GALNT13: variants seen among roughly 807,000 people sequenced by gnomAD.
GALNT13 encodes UDP-GalNAc:polypeptide N-acetylgalactosaminyltransferase 13.
In GALNT13, 28 loss-of-function variants were observed where a neutral mutation model predicts 64.2. That is an observed-to-expected ratio of 0.44 (90% confidence interval 0.32 to 0.60). GALNT13 has a LOEUF of 0.60. Among genes scored for constraint, GALNT13 ranks in the 20% least tolerant of loss-of-function variants. The probability of loss-of-function intolerance (pLI) is 0.05; values close to 1 mark genes in which losing one functional copy is unlikely to be tolerated. For missense variants in GALNT13, 577 were observed against 669.8 expected (o/e 0.86, Z 1.53); for synonymous variants, 214 against 224.6 (o/e 0.95, Z 0.42).
At chr2:153,703,356 G>A in the GALNT13 span, among the ~76,000 whole-genome samples, 2 of 152,064 alleles carry the variant, frequency 1.3e-5, no homozygotes, top group African/African-American at 2.4e-5. Flanking sequence ...TAAGTGTTAT[G>A]TTTAATTTGC....
chr2:153,574,906 C>T, the GALNT13 span, among the ~76,000 whole-genome samples: 1 of 151,922 alleles, frequency 6.6e-6, no homozygotes, highest in Non-Finnish European at 1.5e-5. Flanking sequence ...TTATGTTTTC[C>T]TGTATGGTAT....
intron 9 of GALNT13, among the ~76,000 whole-genome samples, chr2:154,313,942 T>C (rs1339025191): frequency 6.6e-6 from 1 of 152,162 alleles, no homozygotes; most frequent in Non-Finnish European, 1.5e-5. Flanking sequence ...CCAATTGGAT[T>C]GGATGGGTCC....
chr2:154,438,930 A>G (rs920418020), intron 12 of GALNT13, among the ~76,000 whole-genome samples: 7 of 152,136 alleles, frequency 4.6e-5, no homozygotes, highest in Non-Finnish European at 7.4e-5. Context: ...TAAAATATGA[A>G]TGAGGACAAT....
At chr2:153,604,774 G>T in the GALNT13 span, among the ~76,000 whole-genome samples, 16 of 152,092 alleles carry the variant, frequency 1.1e-4, 1 homozygote, top group South Asian at 4.1e-4. Context: ...TTTATTAAGA[G>T]AAATTTAACC....
intron 4 of GALNT13, among the ~76,000 whole-genome samples, chr2:154,173,489 C>A (rs995911724): frequency 2.0e-5 from 3 of 151,726 alleles, no homozygotes; most frequent in Non-Finnish European, 4.4e-5. Flanking sequence ...GGATATTGTT[C>A]TGGAAAGTAT....
the GALNT13 span, among the ~76,000 whole-genome samples, chr2:153,485,761 A>C: frequency 0.42 from 63,508 of 151,802 alleles, 13,962 homozygotes; most frequent in Non-Finnish European, 0.47. Flanking sequence ...TTAGCCGGGC[A>C]TGGTGGTGCA....
At chr2:154,076,623 C>T (rs1701003098) in intron 3 of GALNT13, among the ~76,000 whole-genome samples, 1 of 151,604 alleles carries the variant, frequency 6.6e-6, no homozygotes, top group Admixed American at 6.6e-5. Flanking sequence ...ATATGACAAC[C>T]CTAGAAATTA....
the GALNT13 span, among the ~76,000 whole-genome samples, chr2:153,739,688 T>C: frequency 6.6e-6 from 1 of 150,450 alleles, no homozygotes; most frequent in Admixed American, 6.6e-5. Flanking sequence ...CATTAATTGA[T>C]TTATCAATGT....
At chr2:153,997,501 TC>T (rs1194544684) in intron 3 of GALNT13, among the ~76,000 whole-genome samples, 1 of 151,960 alleles carries the variant, frequency 6.6e-6, no homozygotes, top group East Asian at 1.9e-4. Flanking sequence ...AAAAAATGCT[TC>T]TAGATTTTCT....
At chr2:153,748,979 G>C in the GALNT13 span, among the ~76,000 whole-genome samples, 1 of 152,034 alleles carries the variant, frequency 6.6e-6, no homozygotes, top group South Asian at 2.1e-4. Context: ...ACTTAAGGCT[G>C]TAATTCATTT....
At chr2:153,355,236 T>G in the GALNT13 span, among the ~76,000 whole-genome samples, 7 of 152,200 alleles carry the variant, frequency 4.6e-5, no homozygotes, top group African/African-American at 1.7e-4. Flanking sequence ...TTCTTAACAT[T>G]AAATCAAAAG....
intron 9 of GALNT13, among the ~76,000 whole-genome samples, chr2:154,335,387 C>A (rs2113387): frequency 0.15 from 23,368 of 151,944 alleles, 2,023 homozygotes; most frequent in Middle Eastern, 0.26. Context: ...AAAATAATGT[C>A]ATTATTACAA....
chr2:154,441,332 C>T (rs1701284754), intron 12 of GALNT13, among the ~76,000 whole-genome samples: 2 of 152,246 alleles, frequency 1.3e-5, no homozygotes, highest in Admixed American at 1.3e-4. Context: ...CTATTCTTCT[C>T]ATATTCCAAC....
chr2:153,921,836 A>G (rs976823580), intron 2 of GALNT13, among the ~76,000 whole-genome samples: 1 of 152,178 alleles, frequency 6.6e-6, no homozygotes, highest in African/African-American at 2.4e-5. Context: ...CCAATTAAAA[A>G]CTGAAATATA....
At chr2:153,504,888 C>T in the GALNT13 span, among the ~76,000 whole-genome samples, 9 of 151,978 alleles carry the variant, frequency 5.9e-5, no homozygotes, top group East Asian at 3.9e-4. Flanking sequence ...AGGGTAATAC[C>T]GGCTTCATAG....
At chr2:153,883,508 T>C (rs940859348) in intron 1 of GALNT13, among the ~76,000 whole-genome samples, 1 of 152,068 alleles carries the variant, frequency 6.6e-6, no homozygotes, top group Non-Finnish European at 1.5e-5. Flanking sequence ...TCTTTAAATA[T>C]AACCTTTCTT....
At chr2:153,080,617 G>T in the GALNT13 span, among the ~76,000 whole-genome samples, 12,381 of 151,902 alleles carry the variant, frequency 0.082, 666 homozygotes, top group Non-Finnish European at 0.12. Context: ...TGAAGTTTAG[G>T]GTTTTATATA....
the GALNT13 span, among the ~76,000 whole-genome samples, chr2:153,837,432 C>T: frequency 1.3e-5 from 2 of 152,052 alleles, no homozygotes; most frequent in Non-Finnish European, 2.9e-5. Flanking sequence ...ACTCACCTGG[C>T]AACCATTGTT....
At chr2:153,096,140 A>G in the GALNT13 span, among the ~76,000 whole-genome samples, 1 of 152,156 alleles carries the variant, frequency 6.6e-6, no homozygotes, top group East Asian at 1.9e-4. Flanking sequence ...TTTCAGAAAC[A>G]TATTGTTTAA....
Sources: allele counts gnomAD v4.1 joint callset (sites outside exome capture counted in the v4.1 genomes callset), GRCh38; gene constraint gnomAD v4.1.1; transcripts MANE v1.5; gene names NCBI Gene and HGNC (gene_info 2026-07-23, HGNC 2026-07-21).